The following ADAP2 variants were observed in gnomAD, a reference collection of about 807,000 sequenced individuals.
The protein encoded by ADAP2 is arf-GAP with dual PH domain-containing protein 2.
A neutral mutation model predicts 54.9 loss-of-function variants in ADAP2; 42 were observed. The observed-to-expected ratio is 0.77, with a 90% confidence interval of 0.60 to 0.99. ADAP2 has a LOEUF of 0.99. Among genes scored for constraint, ADAP2 ranks in the 50% least tolerant of loss-of-function variants. ADAP2 has a pLI of 0.00. For synonymous variants in ADAP2, 177 were observed against 180.1 expected (o/e 0.98, Z 0.14); for missense variants, 429 against 480.4 (o/e 0.89, Z 1.00).
Position 30,949,283 on chromosome 17 carries a change from G to T in ADAP2, c.658-4G>T. On this transcript the variant is annotated splice_region_variant and splice_polypyrimidine_tract_variant and intron_variant, in intron 6 of 10. Coordinates refer to ENST00000330889, the MANE Select transcript of ADAP2 (RefSeq NM_018404.3). Reference sequence around the variant, plus strand: ...GTGTGTGTCCTGTGCACTTCTCTCCGCAGGAGATAGTGGACTGGTTCAATG... The same window carrying T: ...GTGTGTGTCCTGTGCACTTCTCTCCTCAGGAGATAGTGGACTGGTTCAATG... 2 of 1,612,350 alleles carry T rather than the reference G, an allele frequency of 1.2e-6. No individual in the cohort carries two copies. The highest frequency in any genetic ancestry group is 1.7e-6 in the Non-Finnish European group (2 of 1,178,794).
At chr17:30,941,661 G>A (rs972730182) in intron 5 of ADAP2, among the ~76,000 whole-genome samples, 1 of 152,104 alleles carries the variant, frequency 6.6e-6, no homozygotes, top group Non-Finnish European at 1.5e-5. Context: ...CATACTATGT[G>A]TTTTCCATGA....
chr17:30,946,269 A>T (rs141573777), intron 6 of ADAP2, among the ~76,000 whole-genome samples: 1 of 151,704 alleles, frequency 6.6e-6, no homozygotes, highest in African/African-American at 2.4e-5. Flanking sequence ...ATCTTGCTCT[A>T]TTGCCCAGAC....
At chr17:30,954,603 GGGT>G in intron 9 of ADAP2, 48 bp downstream of exon 9, 1 of 1,496,678 alleles carries the variant, frequency 6.7e-7, no homozygotes, top group Non-Finnish European at 9.3e-7. Context: ...AAACATTGCT[GGGT>G]GGTGCTTGTC....
At chr17:30,947,362 GT>G (rs1016442068) in intron 6 of ADAP2, among the ~76,000 whole-genome samples, 2 of 151,124 alleles carry the variant, frequency 1.3e-5, no homozygotes, top group Admixed American at 1.3e-4. Flanking sequence ...GAGACCTAAG[GT>G]TTTTTTTTGA....
chr17:30,957,420 G>T (rs1397667101), intron 10 of ADAP2, among the ~76,000 whole-genome samples: 2 of 143,652 alleles, frequency 1.4e-5, no homozygotes, highest in Non-Finnish European at 3.1e-5. Flanking sequence ...CTGTCTTTGT[G>T]TTTTTTTTTT....
chr17:30,930,783 A>T (rs2142519237), intron 3 of ADAP2, among the ~76,000 whole-genome samples: 1 of 152,328 alleles, frequency 6.6e-6, no homozygotes, highest in African/African-American at 2.4e-5. Flanking sequence ...AAAGGTGAGC[A>T]GGAACCAAAC....
intron 4 of ADAP2, among the ~76,000 whole-genome samples, chr17:30,932,467 T>G (rs1477768490): frequency 6.6e-6 from 1 of 152,046 alleles, no homozygotes; most frequent in Non-Finnish European, 1.5e-5. Flanking sequence ...TTGCCCAGGC[T>G]GGTCTTGAAC....
Position 30,926,871 on chromosome 17 carries a change from A to T in ADAP2, c.270A>T (p.Glu90Asp). The change falls in exon 3 of 11, where the codon GAA becomes GAT. Residue 90 changes from glutamate (E) to aspartate (D), a missense_variant. Glu to Asp is a conservative substitution (Grantham distance 45, BLOSUM62 2). Transcript: ENST00000330889. Reference sequence around the variant, plus strand: ...ACCTCCGTGTGAAGGCCAAGTTCGAAGCCAGAGTCCCAGCTTTCTACTACA... The same window carrying T: ...ACCTCCGTGTGAAGGCCAAGTTCGATGCCAGAGTCCCAGCTTTCTACTACA... The part of the protein sequence containing the change: ...NGNLRVKAKF[E>D]ARVPAFYYIP... 1.2e-6 allele frequency: 2 copies of T among 1,614,190 alleles called. No homozygotes were observed. Among genetic ancestry groups the T allele is most frequent in the Non-Finnish European group, 1.7e-6 (2 of 1,180,036 alleles).
At chr17:30,945,950 G>A (rs1009003561) in intron 6 of ADAP2, among the ~76,000 whole-genome samples, 8 of 150,682 alleles carry the variant, frequency 5.3e-5, no homozygotes, top group East Asian at 4.0e-4. Context: ...TCAGGAGATC[G>A]AGACCATGCT....
intron 5 of ADAP2, among the ~76,000 whole-genome samples, chr17:30,936,767 T>G (rs909027256): frequency 6.6e-6 from 1 of 152,156 alleles, no homozygotes; most frequent in Non-Finnish European, 1.5e-5. Context: ...AGGTTATTTG[T>G]CTTTTTATTA....
intron 3 of ADAP2, among the ~76,000 whole-genome samples, chr17:30,928,789 G>A (rs1329290071): frequency 1.3e-5 from 2 of 152,126 alleles, no homozygotes; most frequent in Non-Finnish European, 2.9e-5. Flanking sequence ...CTGGTACCTA[G>A]TGGCCCTGGA....
Position 30,926,735 on chromosome 17 carries a change from T to G in ADAP2, c.226-92T>G. On this transcript the variant is annotated intron_variant, in intron 2 of 10. Transcript: ENST00000330889. ...GGGACATCTCCTTCTTGGAGGCAGTTTCTTCTGACTCAGCCTAAGTCAGTG... is the reference window on the plus strand; with the variant it reads ...GGGACATCTCCTTCTTGGAGGCAGTGTCTTCTGACTCAGCCTAAGTCAGTG... The G allele has an allele frequency of 3.5e-6, 4 of 1,144,762 alleles. 1 individual carries two copies. In the Middle Eastern group the frequency reaches 7.7e-4, roughly 221 times the overall value. The allele number at this position is 1,144,762 out of a possible 1,614,324, so 70.9% of individuals were successfully genotyped here. A position where few individuals can be genotyped will look rare whatever the true frequency, so the allele number is the denominator to read the frequency against.
intron 3 of ADAP2, among the ~76,000 whole-genome samples, chr17:30,931,677 C>T (rs1911492282): frequency 6.6e-6 from 1 of 151,794 alleles, no homozygotes; most frequent in Non-Finnish European, 1.5e-5. Flanking sequence ...AAAAATTAGC[C>T]AGGTGTGGTG....
At position 30,949,289 on chromosome 17, in the gene ADAP2, G is replaced by A. The variant is rs750080743; in HGVS notation, c.660G>A (p.Glu220=). The change falls in exon 7 of 11, where the codon GAG becomes GAA. Residue 220 remains glutamate (E), a splice_region_variant and synonymous_variant. Coordinates refer to ENST00000330889, the MANE Select transcript of ADAP2 (RefSeq NM_018404.3). ...GTCCTGTGCACTTCTCTCCGCAGGA[G>A]ATAGTGGACTGGTTCAATGCCCTCC... ...NLFVYHESGK[E]IVDWFNALRA... is the part of the protein sequence containing the mutation. The A allele has an allele frequency of 1.2e-6, 2 of 1,614,058 alleles. No individual in the cohort carries two copies. The highest frequency in any genetic ancestry group is 1.1e-5 in the South Asian group (1 of 91,088).
At chr17:30,937,175 C>T (rs1390468067) in intron 5 of ADAP2, among the ~76,000 whole-genome samples, 1 of 152,078 alleles carries the variant, frequency 6.6e-6, no homozygotes, top group Non-Finnish European at 1.5e-5. Flanking sequence ...CCACCCACCT[C>T]ACCCTCCCAA....
intron 9 of ADAP2, among the ~76,000 whole-genome samples, chr17:30,955,818 G>T (rs778491423): frequency 6.6e-6 from 1 of 151,914 alleles, no homozygotes; most frequent in Non-Finnish European, 1.5e-5. Flanking sequence ...GAGCCTGGGA[G>T]GTTGAGGCTG....
chr17:30,928,790 T>C (rs1911261242), intron 3 of ADAP2, among the ~76,000 whole-genome samples: 1 of 152,156 alleles, frequency 6.6e-6, no homozygotes, highest in Admixed American at 6.5e-5. Context: ...TGGTACCTAG[T>C]GGCCCTGGAC....
chr17:30,949,196 C>T lies in ADAP2; in HGVS notation c.658-91C>T, dbSNP rs1357654363. On this transcript the variant is annotated intron_variant, in intron 6 of 10. Coordinates refer to ENST00000330889, the MANE Select transcript of ADAP2 (RefSeq NM_018404.3). ...GTGCTGAATATATGTGCCCCACACC[C>T]AATGCCCAGCTAGCTTCCCGCCACC... 4 of 1,028,402 alleles carry T rather than the reference C, an allele frequency of 3.9e-6. No homozygotes were observed. In the African/African-American group the frequency reaches 4.7e-5, roughly 12 times the overall value. The allele number at this position is 1,028,402 out of a possible 1,614,324, so 63.7% of individuals were successfully genotyped here. A position where few individuals can be genotyped will look rare whatever the true frequency, so the allele number is the denominator to read the frequency against.
intron 5 of ADAP2, among the ~76,000 whole-genome samples, chr17:30,940,756 G>A (rs1300488741): frequency 6.6e-6 from 1 of 152,208 alleles, no homozygotes; most frequent in Admixed American, 6.5e-5. Flanking sequence ...TTGTCCTGGG[G>A]GAGAAGGACT....
Sources: gnomAD v4.1 joint callset for allele counts (sites outside exome capture counted in the v4.1 genomes callset) on GRCh38, gnomAD v4.1.1 for gene constraint, MANE v1.5 for transcripts, NCBI Gene and HGNC (gene_info 2026-07-23, HGNC 2026-07-21) for gene names.